Variants in ROBO2 observed in about 807,000 individuals in gnomAD.
ROBO2 encodes the protein roundabout guidance receptor 2, also known as roundabout homolog 2.
A neutral mutation model predicts 160.8 loss-of-function variants in ROBO2; 53 were observed. The observed-to-expected ratio is 0.33, with a 90% CI of 0.26 to 0.41. The LOEUF (loss-of-function observed/expected upper bound fraction) is 0.41. ROBO2 is among the 10% of genes least tolerant of loss of function. The pLI is 1.00. For synonymous variants in ROBO2, 664 were observed against 611.7 expected (o/e 1.09, Z -1.26); for missense variants, 1,577 against 1,722.4 (o/e 0.92, Z 1.49).
intron 2 of ROBO2, among the ~76,000 whole-genome samples, chr3:76,462,448 T>G (rs556992894): frequency 1.3e-5 from 2 of 152,236 alleles, no homozygotes; most frequent in South Asian, 4.2e-4. Flanking sequence ...AACAGATTAT[T>G]CACAAAATAA....
chr3:77,386,244 G>A lies in ROBO2; in HGVS notation c.389-91170G>A, dbSNP rs1410192947. On this transcript the variant is annotated intron_variant, in intron 2 of 25. Coordinates refer to ENST00000461745, the Ensembl canonical transcript of ROBO2. ...TCAATAACTTTCCTAGCTATTAGAT[G>A]TCCTGACTAGATCTGACTTCAGAGC... 5.3e-5 allele frequency among the ~76,000 whole-genome samples: 8 copies of A among 152,186 alleles called. No individual in the cohort carries two copies. In the East Asian group the frequency reaches 1.5e-3, roughly 29 times the overall value.
At chr3:76,394,807 A>C (rs1463301687) in intron 2 of ROBO2, among the ~76,000 whole-genome samples, 2 of 152,138 alleles carry the variant, frequency 1.3e-5, no homozygotes. Flanking sequence ...CCAATACAGG[A>C]GGACCCAGAT....
chr3:76,053,009 T>A (rs1231692487), intron 2 of ROBO2, among the ~76,000 whole-genome samples: 1 of 151,986 alleles, frequency 6.6e-6, no homozygotes, highest in Non-Finnish European at 1.5e-5. Context: ...AGCTTTAACT[T>A]TGAGATAATT....
chr3:77,584,655 C>T (rs550114738), intron 16 of ROBO2, among the ~76,000 whole-genome samples: 1 of 152,042 alleles, frequency 6.6e-6, no homozygotes, highest in East Asian at 1.9e-4. Flanking sequence ...GAAAAAGTTA[C>T]AGTATTAACT....
At chr3:76,852,538 T>A (rs1347359265) in intron 2 of ROBO2, among the ~76,000 whole-genome samples, 2 of 152,042 alleles carry the variant, frequency 1.3e-5, no homozygotes, top group Non-Finnish European at 2.9e-5. Flanking sequence ...TGCTTCAGAG[T>A]TGTTGAATAT....
At chr3:76,264,634 A>G (rs1706986445) in intron 2 of ROBO2, among the ~76,000 whole-genome samples, 1 of 152,198 alleles carries the variant, frequency 6.6e-6, no homozygotes, top group African/African-American at 2.4e-5. Flanking sequence ...CAAAAGTACC[A>G]GAAAAATCAC....
intron 2 of ROBO2, among the ~76,000 whole-genome samples, chr3:77,411,323 T>A (rs1012910843): frequency 1.1e-4 from 17 of 152,174 alleles, no homozygotes; most frequent in Admixed American, 1.3e-4. Flanking sequence ...TTAGCAATAT[T>A]TATTAAAATT....
chr3:76,093,440 C>T (rs927256288), intron 2 of ROBO2, among the ~76,000 whole-genome samples: 6 of 149,132 alleles, frequency 4.0e-5, no homozygotes, highest in Non-Finnish European at 8.9e-5. Flanking sequence ...AGCAGTCACA[C>T]AGGCCTGCTT....
At chr3:76,717,645 T>C (rs947779629) in intron 2 of ROBO2, among the ~76,000 whole-genome samples, 4 of 152,164 alleles carry the variant, frequency 2.6e-5, no homozygotes, top group Non-Finnish European at 5.9e-5. Flanking sequence ...AGTTTTATTT[T>C]TGAAAAGGAA....
At chr3:76,764,313 G>A (rs1053148525) in intron 2 of ROBO2, among the ~76,000 whole-genome samples, 4 of 151,600 alleles carry the variant, frequency 2.6e-5, no homozygotes, top group Non-Finnish European at 1.5e-5. Flanking sequence ...ATTGTATTGA[G>A]CATCCATAGT....
chr3:77,451,491 G>A (rs2081102979), intron 2 of ROBO2, among the ~76,000 whole-genome samples: 1 of 152,004 alleles, frequency 6.6e-6, no homozygotes, highest in Non-Finnish European at 1.5e-5. Context: ...AGGTCCATAG[G>A]GTACAGGTAT....
intron 2 of ROBO2, among the ~76,000 whole-genome samples, chr3:77,428,253 A>G (rs1345526936): frequency 6.6e-6 from 1 of 151,710 alleles, no homozygotes; most frequent in East Asian, 1.9e-4. Context: ...GAAATTAATG[A>G]GGATACAGTG....
intron 2 of ROBO2, among the ~76,000 whole-genome samples, chr3:76,345,744 G>GT (rs1180731996): frequency 6.6e-6 from 1 of 151,684 alleles, no homozygotes; most frequent in Non-Finnish European, 1.5e-5. Context: ...TAAAGATGAG[G>GT]TTTTCAGTCC....
chr3:77,237,975 T>C (rs2088335142), intron 2 of ROBO2, among the ~76,000 whole-genome samples: 1 of 152,210 alleles, frequency 6.6e-6, no homozygotes, highest in Admixed American at 6.5e-5. Context: ...GATTTGCATT[T>C]ACCTGACGAC....
At chr3:76,870,568 A>T (rs1216259272) in intron 2 of ROBO2, among the ~76,000 whole-genome samples, 1 of 152,216 alleles carries the variant, frequency 6.6e-6, no homozygotes, top group East Asian at 1.9e-4. Flanking sequence ...ACAGTTTCTC[A>T]CTAGACTATG....
At chr3:77,306,578 A>G (rs775489703) in intron 2 of ROBO2, among the ~76,000 whole-genome samples, 22 of 152,198 alleles carry the variant, frequency 1.4e-4, no homozygotes, top group Non-Finnish European at 2.5e-4. Flanking sequence ...AGGTAAGTTC[A>G]CTAATAGACC....
chr3:77,198,321 C>T (rs1331499800), intron 2 of ROBO2, among the ~76,000 whole-genome samples: 1 of 152,018 alleles, frequency 6.6e-6, no homozygotes, highest in African/African-American at 2.4e-5. Context: ...AGTTGAAACT[C>T]AAGGATGAGA....
intron 2 of ROBO2, among the ~76,000 whole-genome samples, chr3:76,296,782 T>A (rs1343649920): frequency 6.6e-6 from 1 of 152,182 alleles, no homozygotes; most frequent in African/African-American, 2.4e-5. Context: ...CGAATATTTG[T>A]GTACTTATAT....
intron 2 of ROBO2, among the ~76,000 whole-genome samples, chr3:76,811,949 C>T (rs113964102): frequency 1.3e-5 from 2 of 151,562 alleles, no homozygotes; most frequent in South Asian, 4.2e-4. Flanking sequence ...TGGCTCACTG[C>T]AACCTCCACC....
Sources: gnomAD v4.1 joint callset for allele counts (sites outside exome capture counted in the v4.1 genomes callset) on GRCh38, gnomAD v4.1.1 for gene constraint, MANE v1.5 for transcripts, NCBI Gene and HGNC (gene_info 2026-07-23, HGNC 2026-07-21) for gene names.